Variants in SLC25A21 observed in about 807,000 individuals in gnomAD.
SLC25A21 encodes the protein solute carrier family 25 member 21.
SLC25A21 carries 47 observed loss-of-function variants against 43.8 expected under a neutral mutation model. The observed-to-expected ratio is 1.07, with a 90% CI of 0.85 to 1.37. The LOEUF (loss-of-function observed/expected upper bound fraction) is 1.37, where lower values mean the gene tolerates loss of function less well. Among genes scored for constraint, SLC25A21 ranks in the 40% most tolerant of loss-of-function variants. The pLI, the probability that SLC25A21 is intolerant of heterozygous loss-of-function variation, is 0.00. For synonymous variants in SLC25A21, 131 were observed against 121.3 expected, an observed-to-expected ratio of 1.08 and a Z score of -0.52; for missense variants, 352 against 350.2, an observed-to-expected ratio of 1.00 and a Z score of -0.04.
chr14:37,133,425 C>T (rs754964833), intron 1 of SLC25A21, among the ~76,000 whole-genome samples: 12 of 152,110 alleles, frequency 7.9e-5, no homozygotes, highest in Non-Finnish European at 1.6e-4. Context: ...ACCACCAAAT[C>T]CATGTGATTC....
chr14:37,034,395 G>A (rs745389583), intron 1 of SLC25A21, among the ~76,000 whole-genome samples: 2 of 152,074 alleles, frequency 1.3e-5, no homozygotes, highest in African/African-American at 2.4e-5. Flanking sequence ...CTGTCTGATC[G>A]TATATGGGAT....
At chr14:36,861,214 G>T (rs1890056040) in intron 2 of SLC25A21, among the ~76,000 whole-genome samples, 1 of 152,088 alleles carries the variant, frequency 6.6e-6, no homozygotes. Flanking sequence ...TTTGGTCAAG[G>T]TTCACAGTTA....
At chr14:36,835,121 T>C (rs1889164274) in intron 2 of SLC25A21, among the ~76,000 whole-genome samples, 1 of 152,228 alleles carries the variant, frequency 6.6e-6, no homozygotes, top group Non-Finnish European at 1.5e-5. Flanking sequence ...GAATGTATTA[T>C]TTCTAGACTG....
chr14:36,954,327 AGTC>A (rs1959276405), intron 1 of SLC25A21, among the ~76,000 whole-genome samples: 1 of 151,896 alleles, frequency 6.6e-6, no homozygotes. Context: ...ATCCTAGAGA[AGTC>A]CTCCTTAGCA....
chr14:36,986,983 T>C (rs1272502704), intron 1 of SLC25A21, among the ~76,000 whole-genome samples: 1 of 152,130 alleles, frequency 6.6e-6, no homozygotes, highest in Non-Finnish European at 1.5e-5. Context: ...ATTAATGTCC[T>C]TGAAACACCA....
intron 3 of SLC25A21, among the ~76,000 whole-genome samples, chr14:36,782,538 C>A (rs1269212245): frequency 6.6e-6 from 1 of 152,084 alleles, no homozygotes; most frequent in African/African-American, 2.4e-5. Flanking sequence ...ATGCAGTCAC[C>A]TCCTCAAGTA....
intron 1 of SLC25A21, among the ~76,000 whole-genome samples, chr14:37,116,104 CAACT>C (rs1388420594): frequency 6.6e-6 from 1 of 151,578 alleles, no homozygotes; most frequent in Non-Finnish European, 1.5e-5. Context: ...TAAAAAAAAA[CAACT>C]AAAACTTACT....
rs1023490813 is a variant in SLC25A21 at position 37,138,459 on chromosome 14, C to G, written c.70+33822G>C. ...AAATGTGAAGATTTTCATTGTAGAC[C>G]ATGTTTTCTTCAATTAAAATCTCCA... On this transcript the variant is annotated intron_variant, in intron 1 of 9. Coordinates refer to ENST00000331299, the MANE Select transcript of SLC25A21 (RefSeq NM_030631.4). Among the ~76,000 whole-genome samples, 12 of 151,962 alleles carry G rather than the reference C, an allele frequency of 7.9e-5. No homozygotes were observed. In the South Asian group the frequency reaches 1.9e-3, roughly 24 times the overall value.
chr14:36,908,194 C>A (rs566638218), intron 1 of SLC25A21, among the ~76,000 whole-genome samples: 1 of 152,180 alleles, frequency 6.6e-6, no homozygotes, highest in African/African-American at 2.4e-5. Context: ...TATACCACAC[C>A]AAAAGTGAAC....
intron 1 of SLC25A21, among the ~76,000 whole-genome samples, chr14:36,924,307 A>C (rs556750614): frequency 1.3e-4 from 20 of 152,348 alleles, no homozygotes; most frequent in Admixed American, 6.5e-4. Flanking sequence ...CTGGATTAAG[A>C]AAATGTGGCA....
At chr14:37,170,286 C>T (rs756757781) in intron 1 of SLC25A21, among the ~76,000 whole-genome samples, 3 of 152,068 alleles carry the variant, frequency 2.0e-5, no homozygotes, top group Non-Finnish European at 4.4e-5. Context: ...CGCCTGCCTC[C>T]GCCTCACAAA....
At chr14:37,147,511 G>A (rs1000344833) in intron 1 of SLC25A21, among the ~76,000 whole-genome samples, 8 of 151,934 alleles carry the variant, frequency 5.3e-5, no homozygotes, top group Non-Finnish European at 1.2e-4. Flanking sequence ...CCACCAGTTA[G>A]AGCTCTTAAA....
chr14:36,776,761 CCTT>C (rs905789677), intron 3 of SLC25A21, among the ~76,000 whole-genome samples: 33 of 152,234 alleles, frequency 2.2e-4, no homozygotes, highest in African/African-American at 7.7e-4. Flanking sequence ...TATAATATTG[CCTT>C]CTATTTCACA....
At chr14:36,903,848 T>C (rs1891463034) in intron 1 of SLC25A21, among the ~76,000 whole-genome samples, 1 of 152,160 alleles carries the variant, frequency 6.6e-6, no homozygotes, top group East Asian at 1.9e-4. Context: ...GGATTAGCCA[T>C]GTAAGTGTCC....
At position 36,843,505 on chromosome 14, in the gene SLC25A21, C is replaced by T. The variant is rs1427755978; in HGVS notation, c.120-29504G>A. The stretch of plus-strand genomic sequence containing the variant: ...CTCATTTATAAAACTCATCTAGAGT[C>T]ATCAATTTTTAACATTTGCCATGCA... On this transcript the variant is annotated intron_variant, in intron 2 of 9. Coordinates refer to ENST00000331299, the MANE Select transcript of SLC25A21 (RefSeq NM_030631.4). 2.6e-5 allele frequency among the ~76,000 whole-genome samples: 4 copies of T among 152,146 alleles called. No individual in the cohort carries two copies. The East Asian group carries it at 7.7e-4, about 29-fold the overall frequency.
intron 2 of SLC25A21, chr14:36,870,351 G>A (rs1286609835): frequency 6.6e-6 from 1 of 152,208 alleles, no homozygotes; most frequent in Non-Finnish European, 1.5e-5. Context: ...TGTCATCAGT[G>A]TTGGCTCCTC....
At chr14:37,021,353 C>G (rs148422449) in intron 1 of SLC25A21, among the ~76,000 whole-genome samples, 82 of 152,130 alleles carry the variant, frequency 5.4e-4, no homozygotes, top group African/African-American at 1.9e-3. Context: ...ACAACAAATA[C>G]AGCACACTTA....
At chr14:36,860,626 C>A (rs996118040) in intron 2 of SLC25A21, among the ~76,000 whole-genome samples, 3 of 152,176 alleles carry the variant, frequency 2.0e-5, no homozygotes, top group South Asian at 2.1e-4. Context: ...GAAACTGGGT[C>A]AGAATTCTAA....
At chr14:36,801,848 A>G (rs914719528) in intron 3 of SLC25A21, among the ~76,000 whole-genome samples, 1 of 152,174 alleles carries the variant, frequency 6.6e-6, no homozygotes, top group Non-Finnish European at 1.5e-5. Context: ...TGCTTTAAGG[A>G]GAACAGTAGT....
Sources: allele counts gnomAD v4.1 joint callset (sites outside exome capture counted in the v4.1 genomes callset), GRCh38; gene constraint gnomAD v4.1.1; transcripts MANE v1.5; gene names NCBI Gene and HGNC (gene_info 2026-07-23, HGNC 2026-07-21).